Variants in ST6GAL1 observed in about 807,000 individuals in gnomAD.
The protein encoded by ST6GAL1 is beta-galactoside alpha-2,6-sialyltransferase 1.
In ST6GAL1, 20 loss-of-function variants were observed where a neutral mutation model predicts 38.0. The ratio of observed to expected loss-of-function variants is 0.53; its 90% CI spans 0.37 to 0.77. The LOEUF is 0.77. ST6GAL1 is among the 30% of genes least tolerant of loss of function. The pLI is 0.00. For missense variants in ST6GAL1, 432 were observed against 496.4 expected (o/e 0.87, Z 1.23); for synonymous variants, 196 against 188.2 (o/e 1.04, Z -0.34).
At chr3:187,070,500 C>T (rs1433547552) in intron 5 of ST6GAL1, among the ~76,000 whole-genome samples, 6 of 148,310 alleles carry the variant, frequency 4.0e-5, no homozygotes, top group Non-Finnish European at 7.4e-5. Context: ...TCTTGGCTCA[C>T]GGCAACCTCC....
At chr3:187,030,506 T>C (rs899827631) in intron 2 of ST6GAL1, among the ~76,000 whole-genome samples, 3 of 152,208 alleles carry the variant, frequency 2.0e-5, no homozygotes, top group Non-Finnish European at 2.9e-5. Context: ...CAATCTCAGC[T>C]CACTTCAACC....
intron 2 of ST6GAL1, among the ~76,000 whole-genome samples, chr3:187,024,285 G>A (rs1357707966): frequency 6.6e-6 from 1 of 151,340 alleles, no homozygotes; most frequent in African/African-American, 2.4e-5. Context: ...AGTAGAGACG[G>A]GGGTTTCACC....
chr3:187,028,028 CCTTGTG>C, intron 2 of ST6GAL1, among the ~76,000 whole-genome samples: 1 of 152,080 alleles, frequency 6.6e-6, no homozygotes, highest in African/African-American at 2.4e-5. Context: ...TCGTGGAGGT[CCTTGTG>C]ACTCTGACAA....
intron 5 of ST6GAL1, among the ~76,000 whole-genome samples, chr3:187,069,135 C>CTT (rs779256326): frequency 6.2e-5 from 9 of 144,958 alleles, no homozygotes; most frequent in Non-Finnish European, 9.2e-5. Flanking sequence ...TGAACTTCTT[C>CTT]TTTTTTTTTT....
intron 1 of ST6GAL1, among the ~76,000 whole-genome samples, chr3:186,938,417 T>C (rs1396698410): frequency 1.3e-5 from 2 of 152,208 alleles, no homozygotes; most frequent in Admixed American, 1.3e-4. Context: ...CATAGGGTGA[T>C]TATGAGCATT....
intron 2 of ST6GAL1, among the ~76,000 whole-genome samples, chr3:187,018,168 A>T (rs746075356): frequency 6.6e-6 from 1 of 152,194 alleles, no homozygotes; most frequent in African/African-American, 2.4e-5. Flanking sequence ...ATACTCCAGA[A>T]AAATCGTAAT....
At position 187,077,359 on chromosome 3, in the gene ST6GAL1, T is replaced by A. The variant is rs1719597628; in HGVS notation, c.*1556T>A. The A allele has an allele frequency of 5.9e-6, 1 of 168,184 alleles. No homozygotes were observed. The highest frequency in any genetic ancestry group is 2.4e-5 in the African/African-American group (1 of 42,044). 10.4% of individuals were successfully genotyped at this position (168,184 alleles called of 1,614,324 possible). On this transcript the variant is annotated 3_prime_UTR_variant, in exon 8 of 8. Transcript: ENST00000169298. ...AGACTTGCACAGGATCACCAAGTCA[T>A]GCTGTAGAGCCAGGATTCCTAGACC...
chr3:186,940,316 T>C (rs1385903149), intron 1 of ST6GAL1, among the ~76,000 whole-genome samples: 1 of 151,958 alleles, frequency 6.6e-6, no homozygotes, highest in Non-Finnish European at 1.5e-5. Flanking sequence ...TCAAATGGGG[T>C]AAAAAATTAA....
intron 2 of ST6GAL1, among the ~76,000 whole-genome samples, chr3:186,990,326 G>C (rs577478596): frequency 2.2e-4 from 33 of 152,320 alleles, no homozygotes; most frequent in African/African-American, 7.7e-4. Context: ...GAGCCACCAA[G>C]CTTGGCCTAA....
At position 187,042,643 on chromosome 3, in the gene ST6GAL1, A is replaced by G. The variant is rs1718164222; in HGVS notation, c.-50-11A>G. ...TACATCATTTGTTTTTCCTTGTCTCACTTTTTTTAGGCTTGTTTTCCTGCT... is the reference window on the plus strand; with the variant it reads ...TACATCATTTGTTTTTCCTTGTCTCGCTTTTTTTAGGCTTGTTTTCCTGCT... On this transcript the variant is annotated splice_polypyrimidine_tract_variant and intron_variant, in intron 3 of 7. Transcript: ENST00000169298. 6.5e-7 allele frequency: 1 copy of G among 1,532,430 alleles called. No individual in the cohort carries two copies. Among genetic ancestry groups the G allele is most frequent in the Admixed American group, 2.2e-5 (1 of 45,456 alleles). 94.9% of individuals were successfully genotyped at this position (1,532,430 alleles called of 1,614,324 possible). A position where few individuals can be genotyped will look rare whatever the true frequency, so the allele number is the denominator to read the frequency against.
At chr3:186,993,746 T>C (rs1418584014) in intron 2 of ST6GAL1, among the ~76,000 whole-genome samples, 1 of 152,186 alleles carries the variant, frequency 6.6e-6, no homozygotes, top group Non-Finnish European at 1.5e-5. Context: ...ACTTTCTAGC[T>C]GTGTGGTCTT....
intron 2 of ST6GAL1, among the ~76,000 whole-genome samples, chr3:187,027,445 A>G (rs1302940235): frequency 7.9e-5 from 12 of 152,210 alleles, no homozygotes; most frequent in Non-Finnish European, 1.5e-5. Flanking sequence ...TGATTGAGAC[A>G]GAATTCAGGA....
chr3:186,951,495 C>T (rs1714577118), intron 1 of ST6GAL1, among the ~76,000 whole-genome samples: 1 of 152,170 alleles, frequency 6.6e-6, no homozygotes, highest in Non-Finnish European at 1.5e-5. Context: ...TGCCTGAATT[C>T]CTCTCAAACT....
rs923067848 is a variant in ST6GAL1, at chr3:187,048,001, G to A, written c.608-3248G>A. On this transcript the variant is annotated intron_variant, in intron 4 of 7. Transcript: ENST00000169298. ...TCTGTTGCCCAGGCTGGAGTGCAGT[G>A]GCGTGATCTTGGCTCACTGCAAGCT... Among the ~76,000 whole-genome samples the A allele has an allele frequency of 2.6e-4, 39 of 149,702 alleles. 1 individual carries two copies. Among genetic ancestry groups the A allele is most frequent in the Non-Finnish European group, 8.9e-5 (6 of 67,550 alleles).
At chr3:187,053,906 C>T (rs1344906199) in intron 5 of ST6GAL1, among the ~76,000 whole-genome samples, 1 of 152,186 alleles carries the variant, frequency 6.6e-6, no homozygotes, top group Non-Finnish European at 1.5e-5. Context: ...GCCCTTTCCA[C>T]AGTATTGATT....
intron 5 of ST6GAL1, among the ~76,000 whole-genome samples, chr3:187,059,131 C>A (rs573255826): frequency 6.6e-6 from 1 of 151,904 alleles, no homozygotes; most frequent in Admixed American, 6.6e-5. Context: ...AGGCGTTACA[C>A]CACTCCAAGA....
intron 2 of ST6GAL1, among the ~76,000 whole-genome samples, chr3:187,026,922 A>G (rs1403294977): frequency 6.6e-6 from 1 of 151,900 alleles, no homozygotes; most frequent in Non-Finnish European, 1.5e-5. Context: ...GGTGGCGGGC[A>G]CCTGTAGTCC....
chr3:186,942,900 G>A (rs1427350061), intron 1 of ST6GAL1, among the ~76,000 whole-genome samples: 3 of 152,112 alleles, frequency 2.0e-5, no homozygotes, highest in African/African-American at 4.8e-5. Context: ...ATGAGGTTTC[G>A]CCGTGTTGGC....
At chr3:187,056,205 C>T (rs1424530160) in intron 5 of ST6GAL1, among the ~76,000 whole-genome samples, 1 of 152,130 alleles carries the variant, frequency 6.6e-6, no homozygotes, top group African/African-American at 2.4e-5. Flanking sequence ...TGTGTCTCTG[C>T]ATGTGAGATG....
Sources: gnomAD v4.1 joint callset for allele counts (sites outside exome capture counted in the v4.1 genomes callset) on GRCh38, gnomAD v4.1.1 for gene constraint, MANE v1.5 for transcripts, NCBI Gene and HGNC (gene_info 2026-07-23, HGNC 2026-07-21) for gene names.